The following KCNN2 variants were observed in gnomAD, a reference collection of about 807,000 sequenced individuals.
KCNN2 encodes the protein potassium calcium-activated channel subfamily N member 2, also known as small conductance calcium-activated potassium channel protein 2.
Under a neutral mutation model 55.5 loss-of-function variants are expected in KCNN2, and 24 were observed. The observed-to-expected ratio is 0.43, with a 90% CI of 0.31 to 0.61. The LOEUF (loss-of-function observed/expected upper bound fraction) is 0.61. Among genes scored for constraint, KCNN2 ranks in the 20% least tolerant of loss-of-function variants. The pLI is 0.08. For missense variants in KCNN2, 754 were observed against 853.6 expected, an observed-to-expected ratio of 0.88 and a Z score of 1.45; for synonymous variants, 431 against 336.1, an observed-to-expected ratio of 1.28 and a Z score of -3.09.
intron 2 of KCNN2, among the ~76,000 whole-genome samples, chr5:114,334,260 ATGTGTGTGTGTGTGTGTGTGTGTG>A (rs56654295): frequency 1.6e-4 from 22 of 138,210 alleles, no homozygotes; most frequent in Admixed American, 1.2e-3. Flanking sequence ...CATATGCCTG[ATGTGTGTGTGTGTGTGTGTGTGTG>A]TGTGTGTGTG....
intron 2 of KCNN2, among the ~76,000 whole-genome samples, chr5:114,265,563 C>T (rs1755193574): frequency 1.3e-5 from 2 of 152,150 alleles, no homozygotes; most frequent in Admixed American, 1.3e-4. Flanking sequence ...TGTCCTAGCT[C>T]AACAGTCAGG....
intron 6 of KCNN2, 149 bp downstream of exon 6, chr5:114,487,326 C>A: frequency 4.4e-6 from 3 of 679,330 alleles, no homozygotes; most frequent in Non-Finnish European, 7.5e-6. Flanking sequence ...AATCATTCCA[C>A]AATAAGATCC....
intron 2 of KCNN2, among the ~76,000 whole-genome samples, chr5:114,286,977 A>T (rs1755767001): frequency 6.6e-6 from 1 of 152,250 alleles, no homozygotes. Flanking sequence ...CAATGTAAAG[A>T]AAAACATGAG....
At chr5:114,406,627 A>C (rs1314807711) in intron 3 of KCNN2, among the ~76,000 whole-genome samples, 1 of 151,586 alleles carries the variant, frequency 6.6e-6, no homozygotes, top group Non-Finnish European at 1.5e-5. Flanking sequence ...AAATTCTCTC[A>C]CATTATATAA....
At chr5:114,447,852 C>G (rs1364371652) in intron 3 of KCNN2, among the ~76,000 whole-genome samples, 1 of 152,190 alleles carries the variant, frequency 6.6e-6, no homozygotes, top group Non-Finnish European at 1.5e-5. Context: ...AGGTGAAAAC[C>G]TTCAACCAGG....
chr5:114,346,963 C>T (rs13171568), intron 2 of KCNN2, among the ~76,000 whole-genome samples: 46,722 of 151,972 alleles, frequency 0.31, 7,449 homozygotes, highest in Non-Finnish European at 0.35. Context: ...AGGCTGGAAT[C>T]ATTTGAGAAC....
At chr5:114,196,082 G>T (rs183710890) in intron 1 of KCNN2, among the ~76,000 whole-genome samples, 3 of 152,058 alleles carry the variant, frequency 2.0e-5, no homozygotes. Flanking sequence ...TGGCACCCTT[G>T]TGAAAAATCA....
In KCNN2 at chr5:114,362,416, T is replaced by A; in HGVS notation, c.277T>A (p.Ser93Thr). 1 of 317,184 alleles carries A rather than the reference T, an allele frequency of 3.2e-6. No homozygotes were observed. Among genetic ancestry groups the A allele is most frequent in the Non-Finnish European group, 5.8e-6 (1 of 172,950 alleles). 19.6% of individuals were successfully genotyped at this position (317,184 alleles called of 1,614,324 possible). A position where few individuals can be genotyped will look rare whatever the true frequency, so the allele number is the denominator to read the frequency against. ...TAACCTGTCCCTGCTGCTCCGCACC[T>A]CCTCGCCCGGCGGCGCCTTCCGGAC... ...GDNLSLLLRT[S>T]SPGGAFRTRT... is the part of the protein sequence containing the mutation. Residue 93 changes from serine (S) to threonine (T), a missense_variant, in exon 1 of 8, where the codon TCC becomes ACC. Transcript: ENST00000673685.
chr5:114,386,822 C>A (rs1308922020), intron 2 of KCNN2, among the ~76,000 whole-genome samples: 1 of 152,172 alleles, frequency 6.6e-6, no homozygotes, highest in Admixed American at 6.5e-5. Context: ...AGATTTCAGT[C>A]TCTATTTACT....
intron 2 of KCNN2, among the ~76,000 whole-genome samples, chr5:114,309,633 C>T (rs1273683542): frequency 6.6e-6 from 1 of 152,140 alleles, no homozygotes; most frequent in African/African-American, 2.4e-5. Flanking sequence ...GTCAGAGAGA[C>T]CCACTGGGGA....
intron 2 of KCNN2, among the ~76,000 whole-genome samples, chr5:114,240,020 C>T (rs377630489): frequency 1.1e-4 from 17 of 152,210 alleles, no homozygotes; most frequent in Non-Finnish European, 1.9e-4. Context: ...CTTCCCAGTT[C>T]ATTTTAAGAA....
At chr5:114,493,001 G>C (rs1747934505) in intron 6 of KCNN2, among the ~76,000 whole-genome samples, 1 of 152,102 alleles carries the variant, frequency 6.6e-6, no homozygotes, top group Non-Finnish European at 1.5e-5. Flanking sequence ...AATCATGTAG[G>C]CATAGGAAGG....
At chr5:114,109,945 G>A (rs1039954781) in intron 1 of KCNN2, among the ~76,000 whole-genome samples, 1 of 151,952 alleles carries the variant, frequency 6.6e-6, no homozygotes, top group African/African-American at 2.4e-5. Flanking sequence ...GTAAGAGGTG[G>A]GATTGTTAAG....
At chr5:114,198,425 T>A (rs1361021982) in intron 1 of KCNN2, among the ~76,000 whole-genome samples, 1 of 146,598 alleles carries the variant, frequency 6.8e-6, no homozygotes, top group East Asian at 1.9e-4. Context: ...TATACGTATA[T>A]ATGTGTATAT....
At chr5:114,346,778 A>AAG (rs2150038646) in intron 2 of KCNN2, among the ~76,000 whole-genome samples, 1 of 151,660 alleles carries the variant, frequency 6.6e-6, no homozygotes, top group East Asian at 1.9e-4. Context: ...CCAAAAAAAA[A>AAG]AAAAAAAGAA....
intron 1 of KCNN2, among the ~76,000 whole-genome samples, chr5:114,074,817 C>G (rs549549871): frequency 7.4e-4 from 112 of 152,284 alleles, no homozygotes; most frequent in African/African-American, 2.7e-3. Context: ...GAAAGTCAGT[C>G]CCTTTAAACC....
chr5:114,405,716 GTT>G (rs35870169), intron 3 of KCNN2, among the ~76,000 whole-genome samples: 28 of 145,156 alleles, frequency 1.9e-4, no homozygotes, highest in African/African-American at 5.6e-4. Flanking sequence ...GTTTTGTTTT[GTT>G]TTTTTTTTTT....
At chr5:114,165,392 C>A (rs76298247) in intron 1 of KCNN2, among the ~76,000 whole-genome samples, 2 of 152,188 alleles carry the variant, frequency 1.3e-5, no homozygotes, top group South Asian at 2.1e-4. Flanking sequence ...TTATGATTTT[C>A]GTTTTTTCAG....
chr5:114,361,731 G>C (rs573287980), upstream of KCNN2, among the ~76,000 whole-genome samples: 1 of 152,278 alleles, frequency 6.6e-6, no homozygotes, highest in East Asian at 1.9e-4. Flanking sequence ...AGGGGGCAGC[G>C]GCACGGGAGG....
Sources: gnomAD v4.1 joint callset for allele counts (sites outside exome capture counted in the v4.1 genomes callset) on GRCh38, gnomAD v4.1.1 for gene constraint, MANE v1.5 for transcripts, NCBI Gene and HGNC (gene_info 2026-07-23, HGNC 2026-07-21) for gene names.